ZBTB20: variants seen among roughly 807,000 people sequenced by gnomAD.
ZBTB20 encodes the protein zinc finger and BTB domain containing 20.
In ZBTB20, 9 loss-of-function variants were observed where a neutral mutation model predicts 56.9. That is an observed-to-expected ratio of 0.16 (90% CI 0.10 to 0.28). ZBTB20 has a LOEUF of 0.28. Among genes scored for constraint, ZBTB20 ranks in the 10% least tolerant of loss-of-function variants. The probability of loss-of-function intolerance (pLI) is 1.00; values close to 1 mark genes in which losing one functional copy is unlikely to be tolerated. For missense variants in ZBTB20, 655 were observed against 1,003.0 expected (o/e 0.65, Z 4.69); for synonymous variants, 417 against 420.7 (o/e 0.99, Z 0.11).
At chr3:115,079,613 C>G (rs1205978644) in intron 1 of ZBTB20, among the ~76,000 whole-genome samples, 1 of 152,062 alleles carries the variant, frequency 6.6e-6, no homozygotes, top group Non-Finnish European at 1.5e-5. Flanking sequence ...AGGCTGGTCT[C>G]GAACTCCTGA....
At chr3:114,823,387 A>G (rs889113788) in intron 4 of ZBTB20, among the ~76,000 whole-genome samples, 1 of 152,098 alleles carries the variant, frequency 6.6e-6, no homozygotes, top group Non-Finnish European at 1.5e-5. Flanking sequence ...TCATTGTCTC[A>G]TGGGCATAAT....
chr3:114,569,992 AC>A lies in ZBTB20; in HGVS notation c.-294-69602del, dbSNP rs543874868. Among the ~76,000 whole-genome samples the A allele has an allele frequency of 3.4e-4, 51 of 151,912 alleles. No individual in the cohort carries two copies. The South Asian group carries it at 9.5e-3, about 28-fold the overall frequency. ...CAGTCTGAAATACTGTTTATTTTAA[AC>A]AAAAGAATATGATAATAATTTGTGT... On this transcript the variant is annotated intron_variant, in intron 6 of 11. Transcript: ENST00000675478.
chr3:115,110,267 C>T lies in ZBTB20; in HGVS notation c.-703+36952G>A, dbSNP rs542523660. The stretch of plus-strand genomic sequence containing the variant: ...AGCAATCTGTCCAGCAATTTTGAAG[C>T]GAGTTATTAATAACGGAGTCAGCAT... On this transcript the variant is annotated intron_variant, in intron 1 of 11. Transcript: ENST00000675478. 3.1e-3 allele frequency among the ~76,000 whole-genome samples: 471 copies of T among 151,752 alleles called. 1 individual carries two copies. The highest frequency in any genetic ancestry group is 5.3e-3 in the Non-Finnish European group (361 of 67,954).
chr3:114,775,739 A>G (rs1378125798), intron 5 of ZBTB20, among the ~76,000 whole-genome samples: 1 of 152,142 alleles, frequency 6.6e-6, no homozygotes, highest in East Asian at 1.9e-4. Flanking sequence ...ACCCACTGCT[A>G]TGGTACAGTT....
intron 5 of ZBTB20, among the ~76,000 whole-genome samples, chr3:114,696,170 T>G (rs2063000208): frequency 6.6e-6 from 1 of 152,104 alleles, no homozygotes; most frequent in African/African-American, 2.4e-5. Flanking sequence ...GATTTTTATC[T>G]TGTGCACCAG....
chr3:114,459,498 C>G (rs2092221620), intron 7 of ZBTB20, among the ~76,000 whole-genome samples: 1 of 152,158 alleles, frequency 6.6e-6, no homozygotes, highest in Admixed American at 6.6e-5. Context: ...TTCCTTAAGA[C>G]TGAGCTCTTC....
intron 7 of ZBTB20, among the ~76,000 whole-genome samples, chr3:114,410,585 A>T (rs1002566300): frequency 6.6e-6 from 1 of 152,182 alleles, no homozygotes; most frequent in Non-Finnish European, 1.5e-5. Flanking sequence ...TCCAGTGTAA[A>T]TTGGAAAAAA....
intron 3 of ZBTB20, among the ~76,000 whole-genome samples, chr3:114,945,733 G>A (rs1348821558): frequency 6.9e-6 from 1 of 144,996 alleles, no homozygotes; most frequent in Non-Finnish European, 1.5e-5. Context: ...AAGTTGCATT[G>A]AAATACAATG....
intron 4 of ZBTB20, among the ~76,000 whole-genome samples, chr3:114,891,197 A>C (rs1263761201): frequency 6.6e-6 from 1 of 152,236 alleles, no homozygotes; most frequent in African/African-American, 2.4e-5. Context: ...AGAGACAGCC[A>C]TAATGGATTA....
intron 3 of ZBTB20, among the ~76,000 whole-genome samples, chr3:114,928,461 T>C (rs932533158): frequency 6.6e-6 from 1 of 152,090 alleles, no homozygotes; most frequent in Non-Finnish European, 1.5e-5. Flanking sequence ...ATGGAGAACC[T>C]CAAGGTTCTT....
At chr3:114,631,680 G>A (rs1382468878) in intron 6 of ZBTB20, among the ~76,000 whole-genome samples, 2 of 151,840 alleles carry the variant, frequency 1.3e-5, no homozygotes, top group Non-Finnish European at 1.5e-5. Flanking sequence ...CATGAGCCAC[G>A]TGCCCAGCAA....
At chr3:114,796,307 T>C (rs1266341639) in intron 5 of ZBTB20, among the ~76,000 whole-genome samples, 5 of 151,946 alleles carry the variant, frequency 3.3e-5, no homozygotes, top group Non-Finnish European at 7.4e-5. Flanking sequence ...TGGAACAATA[T>C]GAATAAAGGT....
chr3:114,998,237 A>T (rs1394107970), intron 2 of ZBTB20, among the ~76,000 whole-genome samples: 1 of 151,744 alleles, frequency 6.6e-6, no homozygotes, highest in African/African-American at 2.4e-5. Context: ...AATAAACAAC[A>T]AATTTTATTT....
chr3:114,383,630 G>A (rs1204314592), intron 8 of ZBTB20: 3 of 152,212 alleles, frequency 2.0e-5, no homozygotes, highest in South Asian at 4.2e-4. Flanking sequence ...ATACCACTGG[G>A]CTGTTTCCCA....
At chr3:114,935,154 A>G (rs1032064991) in intron 3 of ZBTB20, among the ~76,000 whole-genome samples, 9 of 152,192 alleles carry the variant, frequency 5.9e-5, no homozygotes, top group African/African-American at 1.7e-4. Flanking sequence ...CTGTCTGCAA[A>G]ATACTTTGAA....
At chr3:114,793,999 A>G (rs1578897103) in intron 5 of ZBTB20, among the ~76,000 whole-genome samples, 1 of 151,884 alleles carries the variant, frequency 6.6e-6, no homozygotes, top group Non-Finnish European at 1.5e-5. Flanking sequence ...GACCTCTGTG[A>G]CCACACTAGC....
rs1226658087 is a variant in ZBTB20 at position 114,419,404 on chromosome 3, G to C, written c.-254-30299C>G. 2.6e-5 allele frequency among the ~76,000 whole-genome samples: 4 copies of C among 152,192 alleles called. No homozygotes were observed. In the East Asian group the frequency reaches 7.7e-4, roughly 29 times the overall value. ...GGTTTCAGAACAGGGAAGCTGATTT[G>C]AGAAAGGACTGACTAAACACATAGT... On this transcript the variant is annotated intron_variant, in intron 7 of 11. Coordinates refer to ENST00000675478, the MANE Select transcript of ZBTB20 (RefSeq NM_001348800.3).
chr3:114,756,449 C>T (rs1281558273), intron 5 of ZBTB20, among the ~76,000 whole-genome samples: 5 of 151,976 alleles, frequency 3.3e-5, no homozygotes, highest in Non-Finnish European at 2.9e-5. Context: ...TTCAGTCTTT[C>T]GATTACACAC....
chr3:114,513,578 C>T (rs976590313), intron 6 of ZBTB20, among the ~76,000 whole-genome samples: 1 of 151,996 alleles, frequency 6.6e-6, no homozygotes. Context: ...TGTTTAGATG[C>T]TGGGGCAGGA....
Sources: gnomAD v4.1 joint callset for allele counts (sites outside exome capture counted in the v4.1 genomes callset) on GRCh38, gnomAD v4.1.1 for gene constraint, MANE v1.5 for transcripts, NCBI Gene and HGNC (gene_info 2026-07-23, HGNC 2026-07-21) for gene names.